PIGK: variants seen among roughly 807,000 people sequenced by gnomAD.
The protein encoded by PIGK is GPI-anchor transamidase.
Under a neutral mutation model 50.6 loss-of-function variants are expected in PIGK, and 42 were observed. The ratio of observed to expected loss-of-function variants is 0.83; its 90% CI spans 0.65 to 1.07. PIGK has a LOEUF of 1.07. Among genes scored for constraint, PIGK ranks in the 50% least tolerant of loss-of-function variants. The pLI, the probability that PIGK is intolerant of heterozygous loss-of-function variation, is 0.00. For synonymous variants in PIGK, 151 were observed against 156.0 expected (o/e 0.97, Z 0.24); for missense variants, 448 against 488.7 (o/e 0.92, Z 0.78).
chr1:77,150,424 G>A (rs1002601741), intron 9 of PIGK, among the ~76,000 whole-genome samples: 1 of 151,130 alleles, frequency 6.6e-6, no homozygotes, highest in African/African-American at 2.4e-5. Flanking sequence ...GGGAGGCTGA[G>A]GCAAAAGGAT....
chr1:77,190,228 AAAAAAAC>A (rs1022656006), intron 3 of PIGK, among the ~76,000 whole-genome samples: 10 of 151,948 alleles, frequency 6.6e-5, no homozygotes, highest in African/African-American at 2.4e-4. Flanking sequence ...TCTCTACCAA[AAAAAAAC>A]AAAAAACAAA....
At chr1:77,162,608 T>G (rs1557810599) in intron 6 of PIGK, among the ~76,000 whole-genome samples, 1 of 152,184 alleles carries the variant, frequency 6.6e-6, no homozygotes, top group Non-Finnish European at 1.5e-5. Context: ...AGGTATCCAT[T>G]GCACAATAAG....
At chr1:77,166,946 A>G (rs1466067884) in intron 4 of PIGK, 116 bp from the exon 5 acceptor site, 2 of 603,570 alleles carry the variant, frequency 3.3e-6, no homozygotes, top group Admixed American at 3.5e-5. Flanking sequence ...CTCAGCACCA[A>G]CTGAAAATAA....
At chr1:77,183,941 T>C (rs542156088) in intron 3 of PIGK, among the ~76,000 whole-genome samples, 86 of 152,240 alleles carry the variant, frequency 5.6e-4, no homozygotes, top group African/African-American at 1.9e-3. Flanking sequence ...CCTTGCGAAA[T>C]AGATTTCTGA....
intron 3 of PIGK, among the ~76,000 whole-genome samples, chr1:77,183,900 G>T (rs1273067200): frequency 6.6e-6 from 1 of 152,144 alleles, no homozygotes; most frequent in Non-Finnish European, 1.5e-5. Flanking sequence ...TCCCAGCAGA[G>T]AGGATCCAGA....
At chr1:77,184,590 C>T (rs562781941) in intron 3 of PIGK, among the ~76,000 whole-genome samples, 1 of 152,288 alleles carries the variant, frequency 6.6e-6, no homozygotes, top group South Asian at 2.1e-4. Flanking sequence ...GGACTCAAAA[C>T]ATCATTGTGG....
At position 77,162,308 on chromosome 1, in the gene PIGK, C is replaced by A. The variant is rs529154211; in HGVS notation, c.585-597G>T. Among the ~76,000 whole-genome samples the A allele has an allele frequency of 1.2e-4, 19 of 152,138 alleles. 1 individual carries two copies. In the South Asian group the frequency reaches 3.9e-3, roughly 32 times the overall value. ...AAAAGCAGATCAGAGAAAGGTGATG[C>A]CCAATACGGACAATGAGGGATGTTA... is the stretch of plus-strand genomic sequence containing the variant. On this transcript the variant is annotated intron_variant, in intron 6 of 10. Transcript: ENST00000370812.
intron 4 of PIGK, among the ~76,000 whole-genome samples, chr1:77,167,893 T>C (rs1387854750): frequency 6.6e-6 from 1 of 152,142 alleles, no homozygotes; most frequent in Non-Finnish European, 1.5e-5. Context: ...AACCATGAAA[T>C]AAAATAGTTC....
chr1:77,107,141 T>C (rs1483474654), intron 10 of PIGK, among the ~76,000 whole-genome samples: 3 of 152,342 alleles, frequency 2.0e-5, no homozygotes, highest in African/African-American at 7.2e-5. Context: ...CTTTTGAATG[T>C]GTTTACTCTT....
intron 9 of PIGK, among the ~76,000 whole-genome samples, chr1:77,126,557 T>A (rs1654236661): frequency 6.6e-6 from 1 of 152,154 alleles, no homozygotes; most frequent in Non-Finnish European, 1.5e-5. Context: ...CTTTCTTCTT[T>A]CCTTTCACCA....
intron 9 of PIGK, among the ~76,000 whole-genome samples, chr1:77,127,348 A>G (rs1033298170): frequency 6.6e-6 from 1 of 152,220 alleles, no homozygotes; most frequent in African/African-American, 2.4e-5. Context: ...TCTCTAACTC[A>G]GAAAGAGTAA....
chr1:77,171,436 CAAAAAAAAAAAA>C (rs58788160), intron 3 of PIGK, among the ~76,000 whole-genome samples: 10 of 46,888 alleles, frequency 2.1e-4, no homozygotes, highest in African/African-American at 3.7e-4. Context: ...GACTCCACCT[CAAAAAAAAAAAA>C]AAAAAAAAAA....
intron 10 of PIGK, 65 bp downstream of exon 10, chr1:77,122,210 A>C: frequency 3.7e-6 from 4 of 1,070,750 alleles, no homozygotes; most frequent in Non-Finnish European, 5.8e-6. Context: ...AAACCTAACA[A>C]AAGCAATTAC....
At chr1:77,148,916 C>T (rs931588356) in intron 9 of PIGK, among the ~76,000 whole-genome samples, 2 of 152,072 alleles carry the variant, frequency 1.3e-5, no homozygotes, top group Non-Finnish European at 2.9e-5. Context: ...GGGGTTTCAC[C>T]ATGTTGGCCA....
chr1:77,119,943 T>C (rs1428754566), intron 10 of PIGK, among the ~76,000 whole-genome samples: 1 of 152,048 alleles, frequency 6.6e-6, no homozygotes. Flanking sequence ...AGCAAGATGC[T>C]AAAAGAAATA....
chr1:77,098,101 C>A (rs1385726237), intron 10 of PIGK, among the ~76,000 whole-genome samples: 1 of 152,052 alleles, frequency 6.6e-6, no homozygotes, highest in Non-Finnish European at 1.5e-5. Context: ...TATCACAGAT[C>A]AGTGGGAAAG....
intron 9 of PIGK, among the ~76,000 whole-genome samples, chr1:77,153,169 T>C (rs1654929501): frequency 6.6e-6 from 1 of 152,150 alleles, no homozygotes; most frequent in Non-Finnish European, 1.5e-5. Context: ...AATAAAATGT[T>C]ATTCAGCCAC....
At chr1:77,155,283 C>T (rs1654983623) in intron 8 of PIGK, among the ~76,000 whole-genome samples, 1 of 152,186 alleles carries the variant, frequency 6.6e-6, no homozygotes, top group African/African-American at 2.4e-5. Context: ...GCCACAACTT[C>T]ACTGCAAAAC....
At chr1:77,160,349 C>A (rs1655105570) in intron 8 of PIGK, among the ~76,000 whole-genome samples, 1 of 152,120 alleles carries the variant, frequency 6.6e-6, no homozygotes, top group South Asian at 2.1e-4. Flanking sequence ...TACAGTAGTT[C>A]TATCAAATTT....
Sources: allele counts gnomAD v4.1 joint callset (sites outside exome capture counted in the v4.1 genomes callset), GRCh38; gene constraint gnomAD v4.1.1; transcripts MANE v1.5; gene names NCBI Gene and HGNC (gene_info 2026-07-23, HGNC 2026-07-21).